Variants in SERPINF1 observed in about 807,000 individuals in gnomAD.
SERPINF1 encodes the protein pigment epithelium-derived factor.
Under a neutral mutation model 37.3 loss-of-function variants are expected in SERPINF1, and 29 were observed. The ratio of observed to expected loss-of-function variants is 0.78; its 90% CI spans 0.58 to 1.06. The LOEUF is 1.06. Among genes scored for constraint, SERPINF1 ranks in the 50% least tolerant of loss-of-function variants. The pLI, the probability that SERPINF1 is intolerant of heterozygous loss-of-function variation, is 0.00. For missense variants in SERPINF1, 553 were observed against 532.2 expected (o/e 1.04, Z -0.38); for synonymous variants, 281 against 227.9 (o/e 1.23, Z -2.10).
At chr17:1,765,189 C>T (rs1227043161) in intron 1 of SERPINF1, among the ~76,000 whole-genome samples, 1 of 147,830 alleles carries the variant, frequency 6.8e-6, no homozygotes, top group Non-Finnish European at 1.5e-5. Context: ...GTTGCCCAGG[C>T]TGGAGTGCAG....
In SERPINF1 at chr17:1,769,986, C is replaced by T; in HGVS notation, c.219C>T (p.Ser73=). ...YDLYRVRSST[S]PTTNVLLSPL... ...TGTACCGGGTGCGATCCAGCACGAG[C>T]CCCACGACCAACGTGCTCCTGTCTC... is the stretch of plus-strand genomic sequence containing the variant. Residue 73 remains serine (S), a synonymous_variant, in exon 3 of 8, where the codon AGC becomes AGT. Coordinates refer to ENST00000254722, the MANE Select transcript of SERPINF1 (RefSeq NM_002615.7). The T allele has an allele frequency of 1.2e-6, 2 of 1,614,136 alleles. No homozygotes were observed. The highest frequency in any genetic ancestry group is 1.7e-6 in the Non-Finnish European group (2 of 1,179,972).
intron 3 of SERPINF1, 186 bp from the exon 4 acceptor site, chr17:1,770,843 C>T: frequency 1.4e-6 from 1 of 704,104 alleles, no homozygotes; most frequent in Admixed American, 2.1e-5. Context: ...GGCCTGATGC[C>T]TTTAACCTAC....
chr17:1,772,836 G>A (rs1282024589), intron 5 of SERPINF1, among the ~76,000 whole-genome samples: 1 of 152,062 alleles, frequency 6.6e-6, no homozygotes, highest in Non-Finnish European at 1.5e-5. Flanking sequence ...GTGAGCCACT[G>A]CGCCCGGCCC....
chr17:1,765,086 T>C (rs1411735526), intron 1 of SERPINF1, among the ~76,000 whole-genome samples: 3 of 150,870 alleles, frequency 2.0e-5, no homozygotes, highest in African/African-American at 7.3e-5. Context: ...TCAGGTGATC[T>C]ACCCGCCTCG....
chr17:1,771,846 C>G, intron 4 of SERPINF1, 26 bp from the exon 5 acceptor site: 2 of 1,605,884 alleles, frequency 1.2e-6, no homozygotes, highest in Non-Finnish European at 1.7e-6. Context: ...GTCTCATACG[C>G]TAACCTCTGC....
At chr17:1,767,331 G>A (rs1389878148) in intron 2 of SERPINF1, among the ~76,000 whole-genome samples, 2 of 152,118 alleles carry the variant, frequency 1.3e-5, no homozygotes, top group African/African-American at 4.8e-5. Flanking sequence ...TAGTAGAGAC[G>A]GGGTTTCTCC....
intron 1 of SERPINF1, chr17:1,766,567 T>TATAAATAA (rs56041246): frequency 0.36 from 51,553 of 145,126 alleles, 9,856 homozygotes; most frequent in South Asian, 0.48. Context: ...AAAAATAAAA[T>TATAAATAA]ATAAATAAAT....
intron 3 of SERPINF1, 196 bp from the exon 4 acceptor site, chr17:1,770,833 G>A (rs768231360): frequency 1.6e-6 from 1 of 641,792 alleles, no homozygotes; most frequent in African/African-American, 1.8e-5. Flanking sequence ...CCACCTTCCA[G>A]GCCTGATGCC....
intron 4 of SERPINF1, chr17:1,771,662 G>A (rs912924169): frequency 3.4e-5 from 21 of 619,102 alleles, no homozygotes; most frequent in African/African-American, 5.5e-5. Flanking sequence ...GAGGGGCAGG[G>A]AGGGCAGTGG....
In SERPINF1 at chr17:1,769,969, G is replaced by C. The variant is rs143827025; in HGVS notation, c.202G>C (p.Val68Leu). The change falls in exon 3 of 8, where the codon GTG becomes CTG. Residue 68 changes from valine (V) to leucine (L), a missense_variant. By Grantham distance (32) the Val-to-Leu change is conservative (BLOSUM62 1). Transcript: ENST00000254722. The part of the protein sequence containing the change: ...VSNFGYDLYR[V>L]RSSTSPTTNV... Reference sequence around the variant, plus strand: ...CAACTTCGGCTATGACCTGTACCGGGTGCGATCCAGCACGAGCCCCACGAC... The same window carrying C: ...CAACTTCGGCTATGACCTGTACCGGCTGCGATCCAGCACGAGCCCCACGAC... The C allele has an allele frequency of 3.1e-3, 4,992 of 1,614,158 alleles. 11 individuals carry two copies. Among genetic ancestry groups the C allele is most frequent in the Non-Finnish European group, 3.7e-3 (4,320 of 1,179,998 alleles).
chr17:1,769,273 G>C lies in SERPINF1; in HGVS notation c.85-579G>C, dbSNP rs190752877. ...AAATACAAAAAATTACCCAGGCATG[G>C]TGGTGGGCGCCTGTAGTCCCAGCTA... On this transcript the variant is annotated intron_variant, in intron 2 of 7. Transcript: ENST00000254722. Among the ~76,000 whole-genome samples, 31 of 152,148 alleles carry C rather than the reference G, an allele frequency of 2.0e-4. No homozygotes were observed. The East Asian group carries it at 3.7e-3, about 18-fold the overall frequency.
intron 1 of SERPINF1, 179 bp from the exon 2 acceptor site, chr17:1,766,724 A>G (rs2151205205): frequency 3.3e-6 from 2 of 606,922 alleles, no homozygotes; most frequent in Admixed American, 2.7e-5. Context: ...GGGATGGGCC[A>G]TCAAGCTGAG....
At chr17:1,769,618 T>C (rs1907592243) in intron 2 of SERPINF1, 2 of 577,426 alleles carry the variant, frequency 3.5e-6, no homozygotes, top group Non-Finnish European at 6.2e-6. Context: ...AGTAAGACTC[T>C]GTCTCAAATA....
intron 1 of SERPINF1, among the ~76,000 whole-genome samples, chr17:1,764,667 G>A (rs1403677013): frequency 6.6e-6 from 1 of 152,134 alleles, no homozygotes; most frequent in East Asian, 1.9e-4. Flanking sequence ...TTTGAAGGAC[G>A]AGAGCCAACA....
rs752046921 is a variant in SERPINF1, at chr17:1,777,410, C to A, written c.1221C>A (p.Leu407=). The A allele has an allele frequency of 6.2e-7, 1 of 1,614,162 alleles. No homozygotes were observed. Among genetic ancestry groups the A allele is most frequent in the South Asian group, 1.1e-5 (1 of 91,076 alleles). Residue 407 remains leucine, a synonymous_variant, in exon 8 of 8, where the codon CTC becomes CTA. Transcript: ENST00000254722. ...GGGACACAGACACAGGGGCCCTTCT[C>A]TTCATTGGCAAGATTCTGGACCCCA... ...VLRDTDTGAL[L]FIGKILDPRG...
chr17:1,776,638 T>C lies in SERPINF1; in HGVS notation c.893T>C (p.Ile298Thr), dbSNP rs373375845. 36 of 1,614,010 alleles carry C rather than the reference T, an allele frequency of 2.2e-5. No homozygotes were observed. The highest frequency in any genetic ancestry group is 2.6e-5 in the Non-Finnish European group (31 of 1,179,988). Reference sequence around the variant, plus strand: ...GAGGAGAGCCTCACCTCCGAGTTCATTCATGACATAGACCGAGAACTGAAG... The same window carrying C: ...GAGGAGAGCCTCACCTCCGAGTTCACTCATGACATAGACCGAGAACTGAAG... ...LIEESLTSEF[I>T]HDIDRELKTV... The change falls in exon 7 of 8, where the codon ATT becomes ACT. Residue 298 changes from isoleucine (I) to threonine (T), a missense_variant. Transcript: ENST00000254722.
intron 1 of SERPINF1, among the ~76,000 whole-genome samples, chr17:1,764,376 C>T (rs1907247229): frequency 6.6e-6 from 1 of 152,218 alleles, no homozygotes; most frequent in South Asian, 2.1e-4. Flanking sequence ...GGGCTGGCCC[C>T]AGCCGGGTGG....
At chr17:1,766,793 G>A (rs1907406570) in intron 1 of SERPINF1, 110 bp from the exon 2 acceptor site, 2 of 1,055,446 alleles carry the variant, frequency 1.9e-6, no homozygotes, top group East Asian at 5.2e-5. Context: ...GTGGGGGAAA[G>A]TGACTAGCCC....
chr17:1,770,017 A>T lies in SERPINF1; in HGVS notation c.250A>T (p.Ser84Cys), dbSNP rs774848710. The part of the protein sequence containing the change: ...PTTNVLLSPL[S>C]VATALSALSL... ...GACCAACGTGCTCCTGTCTCCTCTC[A>T]GTGTGGCCACGGCCCTCTCGGCCCT... is the stretch of plus-strand genomic sequence containing the variant. Residue 84 changes from serine to cysteine, a missense_variant, in exon 3 of 8, where the codon AGT (serine) becomes TGT (cysteine). Transcript: ENST00000254722. 8.7e-6 allele frequency: 14 copies of T among 1,614,132 alleles called. No individual in the cohort carries two copies. Among genetic ancestry groups the T allele is most frequent in the Non-Finnish European group, 8.5e-7 (1 of 1,180,012 alleles).
Sources: gnomAD v4.1 joint callset for allele counts (sites outside exome capture counted in the v4.1 genomes callset) on GRCh38, gnomAD v4.1.1 for gene constraint, MANE v1.5 for transcripts, NCBI Gene and HGNC (gene_info 2026-07-23, HGNC 2026-07-21) for gene names.